The following B4GALT5 variants were observed in gnomAD, a reference collection of about 807,000 sequenced individuals.
B4GALT5 encodes UDP-Gal:beta-GlcNAc beta-1,4-galactosyltransferase 5.
B4GALT5 carries 11 observed loss-of-function variants against 45.0 expected under a neutral mutation model. The ratio of observed to expected loss-of-function variants is 0.24; its 90% confidence interval spans 0.15 to 0.40. The LOEUF (loss-of-function observed/expected upper bound fraction) is 0.40, where lower values mean the gene tolerates loss of function less well. Among genes scored for constraint, B4GALT5 ranks in the 10% least tolerant of loss-of-function variants. The pLI, the probability that B4GALT5 is intolerant of heterozygous loss-of-function variation, is 1.00. For missense variants in B4GALT5, 337 were observed against 500.2 expected, an observed-to-expected ratio of 0.67 and a Z score of 3.11; for synonymous variants, 185 against 182.9, an observed-to-expected ratio of 1.01 and a Z score of -0.09.
chr20:49,709,004 C>T (rs189222812), intron 1 of B4GALT5, among the ~76,000 whole-genome samples: 3 of 152,126 alleles, frequency 2.0e-5, no homozygotes, highest in East Asian at 3.9e-4. Flanking sequence ...CTCTTGAAAC[C>T]GATAACTGTT....
chr20:49,670,373 G>A (rs1214845686), intron 1 of B4GALT5, among the ~76,000 whole-genome samples: 2 of 152,206 alleles, frequency 1.3e-5, no homozygotes, highest in Non-Finnish European at 2.9e-5. Context: ...GGGAGTAACA[G>A]TGATGTGAGA....
intron 1 of B4GALT5, among the ~76,000 whole-genome samples, chr20:49,703,999 C>A (rs903914090): frequency 1.3e-5 from 2 of 152,072 alleles, no homozygotes; most frequent in Non-Finnish European, 2.9e-5. Context: ...GCAATTCTGT[C>A]ATTTTTCTGA....
chr20:49,659,157 A>C (rs1601254317), intron 1 of B4GALT5, among the ~76,000 whole-genome samples: 1 of 152,196 alleles, frequency 6.6e-6, no homozygotes, highest in Non-Finnish European at 1.5e-5. Flanking sequence ...CTTACTCTTA[A>C]GGAGATAGCT....
At chr20:49,640,750 G>C in intron 5 of B4GALT5, 85 bp from the exon 6 acceptor site, 5 of 1,335,218 alleles carry the variant, frequency 3.7e-6, no homozygotes. Context: ...GAGTTTATTA[G>C]AACCAACTGG....
chr20:49,691,483 C>G (rs1212470532), intron 1 of B4GALT5, among the ~76,000 whole-genome samples: 6 of 152,020 alleles, frequency 3.9e-5, no homozygotes, highest in Admixed American at 6.6e-5. Context: ...GATTGCCACA[C>G]TGCACTCCAG....
At chr20:49,705,644 G>A (rs186320489) in intron 1 of B4GALT5, among the ~76,000 whole-genome samples, 2 of 152,264 alleles carry the variant, frequency 1.3e-5, no homozygotes, top group South Asian at 2.1e-4. Context: ...AAAAGACAGT[G>A]TCTTTACTTG....
At position 49,688,155 on chromosome 20, in the gene B4GALT5, A is replaced by T. The variant is rs2085794617; in HGVS notation, c.115+25421T>A. ...ATGTCTCAGGCCTGAAGAAAGAAAA[A>T]TAGAGACAAGGGCCTAGGATTCCTG... On this transcript the variant is annotated intron_variant, in intron 1 of 8. Transcript: ENST00000371711. Among the ~76,000 whole-genome samples the T allele has an allele frequency of 3.3e-5, 5 of 152,192 alleles. No homozygotes were observed. In the South Asian group the frequency reaches 1.0e-3, roughly 32 times the overall value.
intron 1 of B4GALT5, among the ~76,000 whole-genome samples, chr20:49,685,827 T>G (rs2085782905): frequency 6.6e-6 from 1 of 152,132 alleles, no homozygotes; most frequent in African/African-American, 2.4e-5. Context: ...TTTTGGATAG[T>G]TTTAAAAGTC....
intron 1 of B4GALT5, among the ~76,000 whole-genome samples, chr20:49,694,123 T>C (rs943165068): frequency 6.6e-6 from 1 of 152,166 alleles, no homozygotes. Flanking sequence ...ACGTACTTTT[T>C]ATTAACACCC....
rs1024308757 is a variant in B4GALT5, at chr20:49,637,264, G to A, written c.1019+77C>T. 1.2e-5 allele frequency: 16 copies of A among 1,288,682 alleles called. No individual in the cohort carries two copies. In the South Asian group the frequency reaches 1.9e-4, roughly 15 times the overall value. 79.8% of individuals were successfully genotyped at this position (1,288,682 alleles called of 1,614,324 possible). The stretch of plus-strand genomic sequence containing the variant: ...CTCGGGGTGGGGAGTAGGAGAAGGG[G>A]CTGTAATATGCTCTAAGATATCCGG... On this transcript the variant is annotated intron_variant, in intron 8 of 8. Transcript: ENST00000371711.
chr20:49,646,828 A>T lies in B4GALT5; in HGVS notation c.364+137T>A, dbSNP rs2085600945. On this transcript the variant is annotated intron_variant, in intron 3 of 8. Transcript: ENST00000371711. ...CAGCAGGCTTTGAAGAGGAGCCAGG[A>T]GCACAACTTTCACAAACCCTGTTTC... 9 of 548,826 alleles carry T rather than the reference A, an allele frequency of 1.6e-5. No individual in the cohort carries two copies. The East Asian group carries it at 2.9e-4, about 18-fold the overall frequency. 34.0% of individuals were successfully genotyped at this position (548,826 alleles called of 1,614,324 possible).
chr20:49,703,381 T>C (rs2085870833), intron 1 of B4GALT5, among the ~76,000 whole-genome samples: 1 of 152,062 alleles, frequency 6.6e-6, no homozygotes, highest in Non-Finnish European at 1.5e-5. Context: ...CCAAAGTAAA[T>C]GCAGTCCAAC....
intron 1 of B4GALT5, among the ~76,000 whole-genome samples, chr20:49,676,406 CACTAAT>C (rs2085737721): frequency 6.6e-6 from 1 of 152,166 alleles, no homozygotes; most frequent in Admixed American, 6.5e-5. Context: ...CACAGCAGGA[CACTAAT>C]ACTAAGTAAT....
chr20:49,704,711 T>A (rs1364177694), intron 1 of B4GALT5, among the ~76,000 whole-genome samples: 1 of 148,908 alleles, frequency 6.7e-6, no homozygotes, highest in East Asian at 2.0e-4. Flanking sequence ...AGAGCAAGAC[T>A]CTGTCTCAAA....
At chr20:49,670,469 G>T (rs2085710873) in intron 1 of B4GALT5, among the ~76,000 whole-genome samples, 1 of 152,062 alleles carries the variant, frequency 6.6e-6, no homozygotes, top group Admixed American at 6.6e-5. Context: ...ATGTTGCCCA[G>T]GCTGGTCTCA....
intron 2 of B4GALT5, among the ~76,000 whole-genome samples, chr20:49,650,120 A>G (rs1167645497): frequency 6.6e-6 from 1 of 152,142 alleles, no homozygotes; most frequent in Admixed American, 6.6e-5. Flanking sequence ...AAGATAGATA[A>G]ATTCCTTTCT....
chr20:49,637,406 C>G lies in B4GALT5; in HGVS notation c.954G>C (p.Glu318Asp), dbSNP rs769024563. 6.2e-7 allele frequency: 1 copy of G among 1,614,120 alleles called. No individual in the cohort carries two copies. The highest frequency in any genetic ancestry group is 1.1e-5 in the South Asian group (1 of 91,078). Residue 318 changes from glutamate (E) to aspartate (D), a missense_variant, in exon 8 of 9, where the codon GAG (glutamate) becomes GAC (aspartate). Glu to Asp is a conservative substitution (Grantham distance 45, BLOSUM62 2). Transcript: ENST00000371711. ...TGGACTTGTACTTTCCTGTGTCACC[C>G]TCTGGCCGGCTCACAGAATAGCCTG... ...QNAGYSVSRP[E>D]GDTGKYKSIP...
chr20:49,641,262 C>T (rs954988880), intron 5 of B4GALT5, among the ~76,000 whole-genome samples: 1 of 152,234 alleles, frequency 6.6e-6, no homozygotes, highest in Non-Finnish European at 1.5e-5. Flanking sequence ...TACCCCGCTC[C>T]ACAAAGGGAA....
chr20:49,647,360 C>T (rs1692714445), intron 2 of B4GALT5, among the ~76,000 whole-genome samples: 1 of 152,218 alleles, frequency 6.6e-6, no homozygotes, highest in African/African-American at 2.4e-5. Context: ...TTAAAAACAG[C>T]AGTTGCCCTC....
Sources: allele counts gnomAD v4.1 joint callset (sites outside exome capture counted in the v4.1 genomes callset), GRCh38; gene constraint gnomAD v4.1.1; transcripts MANE v1.5; gene names NCBI Gene and HGNC (gene_info 2026-07-23, HGNC 2026-07-21).